The following PLEKHA6 variants were observed in gnomAD, a reference collection of about 807,000 sequenced individuals.
PLEKHA6 encodes pleckstrin homology domain-containing family A member 6.
Under a neutral mutation model 116.7 loss-of-function variants are expected in PLEKHA6, and 60 were observed. The ratio of observed to expected loss-of-function variants is 0.51; its 90% CI spans 0.42 to 0.64. The LOEUF is 0.64. PLEKHA6 is among the 30% of genes least tolerant of loss of function. PLEKHA6 has a pLI of 0.00. For synonymous variants in PLEKHA6, 489 were observed against 556.1 expected, an observed-to-expected ratio of 0.88 and a Z score of 1.70; for missense variants, 1,338 against 1,422.7, an observed-to-expected ratio of 0.94 and a Z score of 0.96.
chr1:204,323,613 G>C lies in PLEKHA6; in HGVS notation c.-95+36081C>G, dbSNP rs536277286. Among the ~76,000 whole-genome samples, 7 of 152,342 alleles carry C rather than the reference G, an allele frequency of 4.6e-5. No homozygotes were observed. In the East Asian group the frequency reaches 1.3e-3, roughly 29 times the overall value. On this transcript the variant is annotated intron_variant, in intron 1 of 22. Coordinates refer to ENST00000272203, the MANE Select transcript of PLEKHA6 (RefSeq NM_014935.5). ...GCATTATAAACTGCTTGTGTAACTG[G>C]AAAGCTTCAACAAGGTTGTACTTGT...
intron 9 of PLEKHA6, chr1:204,256,805 C>T: frequency 1.6e-6 from 1 of 636,980 alleles, no homozygotes; most frequent in Admixed American, 2.3e-5. Context: ...GACGTACCAT[C>T]TTATCGTGGA....
chr1:204,326,308 C>A (rs575073206), intron 1 of PLEKHA6, among the ~76,000 whole-genome samples: 2 of 152,338 alleles, frequency 1.3e-5, no homozygotes, highest in South Asian at 4.1e-4. Flanking sequence ...CTCCCTCCTG[C>A]CTGTGCCAAC....
At position 204,249,212 on chromosome 1, in the gene PLEKHA6, C is replaced by T. The variant is rs545905230; in HGVS notation, c.1646G>A (p.Arg549Gln). 5.2e-4 allele frequency: 841 copies of T among 1,613,984 alleles called. 11 individuals are homozygous for T. The highest frequency in any genetic ancestry group is 4.9e-3 in the South Asian group (449 of 91,076). ...CTCAGCTCGGAGCTGCTGCACCAGC[C>T]GGTCCTGCTCCCTCACCACCTTGTT... Reference protein sequence around the residue: ...EQNKVVREQDRLVQQLRAEKE... With the variant: ...EQNKVVREQDQLVQQLRAEKE... The change falls in exon 11 of 23, where the codon CGG becomes CAG. Residue 549 changes from arginine (R) to glutamine (Q), a missense_variant. Arg to Gln is a conservative substitution (Grantham distance 43). Coordinates refer to ENST00000272203, the MANE Select transcript of PLEKHA6 (RefSeq NM_014935.5).
At chr1:204,292,243 T>C (rs906466646) in intron 1 of PLEKHA6, among the ~76,000 whole-genome samples, 2 of 152,248 alleles carry the variant, frequency 1.3e-5, no homozygotes, top group Non-Finnish European at 2.9e-5. Context: ...ACTGTCATCA[T>C]TATCTCATTT....
intron 3 of PLEKHA6, among the ~76,000 whole-genome samples, chr1:204,366,566 G>T (rs897605819): frequency 6.6e-6 from 1 of 152,140 alleles, no homozygotes; most frequent in Non-Finnish European, 1.5e-5. Context: ...TTCGAGACCA[G>T]CCTGGCCAAC....
intron 3 of PLEKHA6, among the ~76,000 whole-genome samples, chr1:204,271,341 A>T (rs956286951): frequency 7.2e-5 from 11 of 152,194 alleles, no homozygotes; most frequent in Non-Finnish European, 1.5e-4. Context: ...CACCAGAGCC[A>T]GCAAGGTATC....
intron 1 of PLEKHA6, among the ~76,000 whole-genome samples, chr1:204,353,130 T>TA (rs1170776948): frequency 6.6e-6 from 1 of 152,240 alleles, no homozygotes; most frequent in Non-Finnish European, 1.5e-5. Flanking sequence ...ATGCTGTCTC[T>TA]ACCACATCAC....
intron 18 of PLEKHA6, 44 bp downstream of exon 18, chr1:204,230,369 G>A (rs573698191): frequency 6.8e-7 from 1 of 1,471,556 alleles, no homozygotes; most frequent in South Asian, 1.3e-5. Context: ...GGCAGTGTTG[G>A]CAGATGCCAG....
At chr1:204,283,096 C>T (rs1378709206) in intron 1 of PLEKHA6, among the ~76,000 whole-genome samples, 3 of 152,168 alleles carry the variant, frequency 2.0e-5, no homozygotes, top group Admixed American at 6.5e-5. Flanking sequence ...TGTCCGCCGC[C>T]GGGTCTATGG....
rs557999681 is a variant in PLEKHA6 at position 204,285,551 on chromosome 1, C to T, written c.-94-10742G>A. Among the ~76,000 whole-genome samples the T allele has an allele frequency of 5.3e-5, 8 of 151,846 alleles. No homozygotes were observed. The South Asian group carries it at 1.5e-3, about 28-fold the overall frequency. ...AGTTCAGTAGTGCGATTTTGGCTCACCGCAGGCTCCGCTCCCTGAGCTCAA... is the reference window on the plus strand; with the variant it reads ...AGTTCAGTAGTGCGATTTTGGCTCATCGCAGGCTCCGCTCCCTGAGCTCAA... On this transcript the variant is annotated intron_variant, in intron 1 of 22. Transcript: ENST00000272203.
intron 1 of PLEKHA6, among the ~76,000 whole-genome samples, chr1:204,286,006 G>A (rs923581929): frequency 6.6e-6 from 1 of 152,112 alleles, no homozygotes; most frequent in Non-Finnish European, 1.5e-5. Flanking sequence ...GGAGGACAGG[G>A]TAGAGGAAGT....
At chr1:204,316,604 A>G (rs1284294929) in intron 1 of PLEKHA6, among the ~76,000 whole-genome samples, 8 of 152,134 alleles carry the variant, frequency 5.3e-5, no homozygotes, top group African/African-American at 1.9e-4. Flanking sequence ...CATTCCAGAG[A>G]GATGGAGGTC....
intron 1 of PLEKHA6, among the ~76,000 whole-genome samples, chr1:204,341,863 G>A (rs184319409): frequency 6.6e-6 from 1 of 152,288 alleles, no homozygotes; most frequent in East Asian, 1.9e-4. Flanking sequence ...AATAAAATGG[G>A]GAAAACATAA....
intron 13 of PLEKHA6, 56 bp from the exon 14 acceptor site, chr1:204,245,782 T>A: frequency 7.7e-7 from 1 of 1,306,312 alleles, no homozygotes; most frequent in Non-Finnish European, 1.1e-6. Context: ...GTCCAGCCCT[T>A]TCTCTCAGCC....
chr1:204,326,391 A>T (rs1284154863), intron 1 of PLEKHA6, among the ~76,000 whole-genome samples: 1 of 152,220 alleles, frequency 6.6e-6, no homozygotes, highest in Admixed American at 6.5e-5. Flanking sequence ...AAAGAAACAG[A>T]GACAATCGAG....
At chr1:204,256,662 G>T (rs1020792436) in intron 9 of PLEKHA6, 5 of 421,464 alleles carry the variant, frequency 1.2e-5, no homozygotes, top group Non-Finnish European at 1.7e-5. Context: ...GAGGGAGGAG[G>T]TATCCAGAGG....
At chr1:204,309,183 T>G (rs1037411534) in intron 1 of PLEKHA6, 1 of 325,772 alleles carries the variant, frequency 3.1e-6, no homozygotes, top group African/African-American at 2.2e-5. Flanking sequence ...AGATTCACAC[T>G]GAAGACTCCC....
At chr1:204,296,285 C>T (rs971267682) in intron 1 of PLEKHA6, among the ~76,000 whole-genome samples, 5 of 152,114 alleles carry the variant, frequency 3.3e-5, no homozygotes, top group African/African-American at 1.2e-4. Flanking sequence ...TGGTTCCCGT[C>T]TCAGCACTAT....
intron 1 of PLEKHA6, among the ~76,000 whole-genome samples, chr1:204,351,866 T>C (rs1405194034): frequency 8.5e-5 from 13 of 152,146 alleles, no homozygotes; most frequent in Admixed American, 8.5e-4. Context: ...TTTTATTAAG[T>C]TATTAAGTTT....
Sources: allele counts gnomAD v4.1 joint callset (sites outside exome capture counted in the v4.1 genomes callset), GRCh38; gene constraint gnomAD v4.1.1; transcripts MANE v1.5; gene names NCBI Gene and HGNC (gene_info 2026-07-23, HGNC 2026-07-21).